Variants in GIPC2 observed in about 807,000 individuals in gnomAD.
GIPC2 encodes GIPC PDZ domain containing family member 2.
In GIPC2, 30 loss-of-function variants were observed where a neutral mutation model predicts 30.6. The ratio of observed to expected loss-of-function variants is 0.98; its 90% confidence interval spans 0.73 to 1.33. The LOEUF is 1.33. Ranked by LOEUF, GIPC2 falls within the 40% of genes most tolerant of loss-of-function variation. The probability of loss-of-function intolerance (pLI) is 0.00; values close to 1 mark genes in which losing one functional copy is unlikely to be tolerated. For missense variants in GIPC2, 414 were observed against 390.3 expected (o/e 1.06, Z -0.51); for synonymous variants, 167 against 150.0 (o/e 1.11, Z -0.83).
At chr1:78,114,523 T>G (rs777822318) in intron 3 of GIPC2, among the ~76,000 whole-genome samples, 4 of 152,190 alleles carry the variant, frequency 2.6e-5, no homozygotes, top group Non-Finnish European at 5.9e-5. Context: ...TTCTGTTTCC[T>G]TAGAGGTGAA....
At chr1:78,085,603 T>C (rs2100356131) in intron 2 of GIPC2, among the ~76,000 whole-genome samples, 1 of 152,040 alleles carries the variant, frequency 6.6e-6, no homozygotes, top group African/African-American at 2.4e-5. Context: ...TCAATTTCAT[T>C]ATTGGTCTGT....
intron 1 of GIPC2, among the ~76,000 whole-genome samples, chr1:78,079,741 T>A (rs1257070098): frequency 2.6e-5 from 4 of 152,180 alleles, no homozygotes; most frequent in Non-Finnish European, 2.9e-5. Flanking sequence ...CAACCCTGCT[T>A]CTCTTCTTCT....
chr1:78,051,562 T>G (rs1173996895), intron 1 of GIPC2, among the ~76,000 whole-genome samples: 1 of 151,756 alleles, frequency 6.6e-6, no homozygotes, highest in Non-Finnish European at 1.5e-5. Flanking sequence ...TGCAGTGGTG[T>G]GATCTCGGCT....
chr1:78,060,865 ATCT>A (rs1366267636), intron 1 of GIPC2, among the ~76,000 whole-genome samples: 3 of 151,500 alleles, frequency 2.0e-5, no homozygotes, highest in East Asian at 2.0e-4. Flanking sequence ...AAACATTCAT[ATCT>A]GTGTGGGGGG....
chr1:78,067,999 A>G (rs1008020335), intron 1 of GIPC2, among the ~76,000 whole-genome samples: 21 of 152,190 alleles, frequency 1.4e-4, no homozygotes, highest in Admixed American at 2.6e-4. Context: ...GGGCTCTTTC[A>G]ATCAAATTTA....
intron 3 of GIPC2, among the ~76,000 whole-genome samples, chr1:78,102,552 A>G (rs1003799436): frequency 1.3e-5 from 2 of 152,258 alleles, no homozygotes; most frequent in Non-Finnish European, 2.9e-5. Flanking sequence ...AAAAGTTACA[A>G]AAGAGATGAT....
At chr1:78,063,937 G>C (rs1321206143) in intron 1 of GIPC2, among the ~76,000 whole-genome samples, 1 of 148,702 alleles carries the variant, frequency 6.7e-6, no homozygotes, top group African/African-American at 2.5e-5. Flanking sequence ...TCAATTGATT[G>C]TTTTTGTCTC....
At chr1:78,131,960 A>G (rs1008587287) in intron 5 of GIPC2, among the ~76,000 whole-genome samples, 1 of 152,158 alleles carries the variant, frequency 6.6e-6, no homozygotes, top group African/African-American at 2.4e-5. Context: ...AAGATCAGGT[A>G]TTTTTTGAAG....
intron 3 of GIPC2, among the ~76,000 whole-genome samples, chr1:78,114,726 T>C (rs1040894144): frequency 2.6e-5 from 4 of 152,162 alleles, no homozygotes; most frequent in Admixed American, 2.0e-4. Context: ...ATGGTGGATA[T>C]ATATTATAAT....
intron 1 of GIPC2, among the ~76,000 whole-genome samples, chr1:78,074,571 C>G (rs1008638360): frequency 2.0e-5 from 3 of 152,170 alleles, no homozygotes; most frequent in Admixed American, 6.6e-5. Context: ...AATAATGCCA[C>G]AATTTACGTG....
In GIPC2 at chr1:78,138,345, G is replaced by A. The variant is rs550741137; in HGVS notation, c.*2602G>A. On this transcript the variant is annotated 3_prime_UTR_variant, in exon 6 of 6. Transcript: ENST00000370759. ...ATTTGGAGCTGCTACATCCAATATT[G>A]TGACTGAAAATTAACTAAAGAGAGA... 1.3e-5 allele frequency: 2 copies of A among 152,288 alleles called. No homozygotes were observed. Among genetic ancestry groups the A allele is most frequent in the African/African-American group, 4.8e-5 (2 of 41,554 alleles). The allele number at this position is 152,288 out of a possible 1,614,324, so 9.4% of individuals were successfully genotyped here.
intron 3 of GIPC2, among the ~76,000 whole-genome samples, chr1:78,115,370 G>A (rs1207115098): frequency 3.3e-5 from 5 of 152,132 alleles, no homozygotes; most frequent in Admixed American, 6.5e-5. Flanking sequence ...AAATTTATAT[G>A]GGCAGACAAA....
intron 2 of GIPC2, chr1:78,091,486 T>C (rs56140793): frequency 4.4e-6 from 3 of 675,864 alleles, no homozygotes; most frequent in Non-Finnish European, 8.2e-6. Context: ...TGTTTTCACC[T>C]CCCGCTGCGC....
Position 78,095,045 on chromosome 1 carries a change from C to T in GIPC2, c.520C>T (p.Arg174Cys), listed in dbSNP as rs748832765. 2.6e-5 allele frequency: 41 copies of T among 1,605,318 alleles called. No homozygotes were observed. The highest frequency in any genetic ancestry group is 1.6e-4 in the Middle Eastern group (1 of 6,070). Residue 174 changes from arginine to cysteine, a missense_variant, in exon 3 of 6, where the codon CGT (arginine) becomes TGT (cysteine). By Grantham distance (180) the Arg-to-Cys change is radical (BLOSUM62 -3). Coordinates refer to ENST00000370759, the MANE Select transcript of GIPC2 (RefSeq NM_017655.6). Reference protein sequence around the residue: ...SINGENIVGWRHYDVAKKLKE... With the variant: ...SINGENIVGWCHYDVAKKLKE... ...AAATGGAGAAAATATTGTTGGGTGG[C>T]GTCACTATGATGTTGCTAAGAAGTT...
intron 1 of GIPC2, among the ~76,000 whole-genome samples, chr1:78,048,634 G>T (rs1661140434): frequency 6.6e-6 from 1 of 151,878 alleles, no homozygotes; most frequent in African/African-American, 2.4e-5. Flanking sequence ...TTTCTGTGTT[G>T]CTCAGTGTGG....
intron 1 of GIPC2, among the ~76,000 whole-genome samples, chr1:78,071,604 T>C (rs76038213): frequency 0.028 from 4,181 of 151,786 alleles, 150 homozygotes; most frequent in African/African-American, 0.096. Flanking sequence ...TCTTCTTCTT[T>C]TTTTTTTTCT....
In GIPC2 at chr1:78,138,175, G is replaced by A. The variant is rs1215546221; in HGVS notation, c.*2432G>A. The A allele has an allele frequency of 6.6e-6, 1 of 152,110 alleles. No homozygotes were observed. Among genetic ancestry groups the A allele is most frequent in the Non-Finnish European group, 1.5e-5 (1 of 68,018 alleles). The allele number at this position is 152,110 out of a possible 1,614,324, so 9.4% of individuals were successfully genotyped here. ...TGGGCTCGATGAGGCCTTGAACATAGCTGAGTCCTAATCAGATGTATATAC... is the reference window on the plus strand; with the variant it reads ...TGGGCTCGATGAGGCCTTGAACATAACTGAGTCCTAATCAGATGTATATAC... On this transcript the variant is annotated 3_prime_UTR_variant, in exon 6 of 6. Coordinates refer to ENST00000370759, the MANE Select transcript of GIPC2 (RefSeq NM_017655.6).
chr1:78,088,580 A>G (rs1314168607), intron 2 of GIPC2, among the ~76,000 whole-genome samples: 1 of 152,164 alleles, frequency 6.6e-6, no homozygotes, highest in Non-Finnish European at 1.5e-5. Flanking sequence ...GGAGGAAACA[A>G]CAGACACTGG....
intron 1 of GIPC2, among the ~76,000 whole-genome samples, chr1:78,061,171 T>A (rs557575708): frequency 2.7e-4 from 41 of 152,268 alleles, no homozygotes; most frequent in Non-Finnish European, 5.4e-4. Flanking sequence ...TGTTTCCCTG[T>A]GTCTTCTTGG....
Sources: gnomAD v4.1 joint callset for allele counts (sites outside exome capture counted in the v4.1 genomes callset) on GRCh38, gnomAD v4.1.1 for gene constraint, MANE v1.5 for transcripts, NCBI Gene and HGNC (gene_info 2026-07-23, HGNC 2026-07-21) for gene names.